CTNNA3: variants seen among roughly 807,000 people sequenced by gnomAD.
The protein encoded by CTNNA3 is catenin alpha-3.
A neutral mutation model predicts 95.7 loss-of-function variants in CTNNA3; 76 were observed. The ratio of observed to expected loss-of-function variants is 0.79; its 90% confidence interval spans 0.66 to 0.96. The LOEUF is 0.96. Among genes scored for constraint, CTNNA3 ranks in the 40% least tolerant of loss-of-function variants. The pLI is 0.00. For synonymous variants in CTNNA3, 431 were observed against 374.4 expected (o/e 1.15, Z -1.74); for missense variants, 1,191 against 1,089.8 (o/e 1.09, Z -1.31).
chr10:65,983,842 A>G (rs1212517777), intron 16 of CTNNA3, among the ~76,000 whole-genome samples: 1 of 151,306 alleles, frequency 6.6e-6, no homozygotes, highest in Non-Finnish European at 1.5e-5. Context: ...CATACACACA[A>G]TAAATATTCT....
chr10:66,590,239 G>C (rs1329582496), intron 10 of CTNNA3, among the ~76,000 whole-genome samples: 1 of 152,046 alleles, frequency 6.6e-6, no homozygotes, highest in African/African-American at 2.4e-5. Flanking sequence ...AGGAGGGACT[G>C]AAGAATCTGA....
At chr10:67,687,801 AC>A (rs1309611052) in intron 1 of CTNNA3, among the ~76,000 whole-genome samples, 1 of 152,156 alleles carries the variant, frequency 6.6e-6, no homozygotes, top group Admixed American at 6.5e-5. Flanking sequence ...TCCCTGAGTT[AC>A]GGTGGACATC....
At chr10:67,442,364 T>C (rs555376435) in intron 5 of CTNNA3, among the ~76,000 whole-genome samples, 1 of 152,034 alleles carries the variant, frequency 6.6e-6, no homozygotes, top group Non-Finnish European at 1.5e-5. Context: ...TTATCAATAA[T>C]AATATTGAAT....
chr10:66,572,822 A>T (rs1013226379), intron 10 of CTNNA3, among the ~76,000 whole-genome samples: 10 of 152,210 alleles, frequency 6.6e-5, no homozygotes, highest in Non-Finnish European at 1.3e-4. Flanking sequence ...CTCAGGACAC[A>T]TGCTTCTTCT....
chr10:66,032,565 A>G (rs1050283622), intron 15 of CTNNA3, among the ~76,000 whole-genome samples: 5 of 152,136 alleles, frequency 3.3e-5, no homozygotes, highest in Non-Finnish European at 5.9e-5. Flanking sequence ...ACATTTATTC[A>G]TTTTTATAAT....
chr10:67,243,741 ATGACTAT>A (rs1421903347), intron 5 of CTNNA3, among the ~76,000 whole-genome samples: 1 of 152,190 alleles, frequency 6.6e-6, no homozygotes, highest in Non-Finnish European at 1.5e-5. Flanking sequence ...CTCCTAGGAA[ATGACTAT>A]TCATCTTTTA....
intron 5 of CTNNA3, among the ~76,000 whole-genome samples, chr10:67,271,025 T>C (rs1838950980): frequency 6.6e-6 from 1 of 152,158 alleles, no homozygotes; most frequent in African/African-American, 2.4e-5. Flanking sequence ...TGCAATCTAG[T>C]GGACTGTAAT....
intron 2 of CTNNA3, among the ~76,000 whole-genome samples, chr10:67,628,015 A>T (rs918250136): frequency 7.3e-5 from 11 of 150,080 alleles, no homozygotes; most frequent in Non-Finnish European, 1.5e-4. Flanking sequence ...GATATAAATA[A>T]AACTAAATGG....
chr10:66,116,322 T>C (rs1489263606), intron 13 of CTNNA3, among the ~76,000 whole-genome samples: 4 of 152,140 alleles, frequency 2.6e-5, no homozygotes, highest in Non-Finnish European at 5.9e-5. Context: ...ATGTATTTCT[T>C]AACATATTAA....
chr10:67,077,374 T>C (rs1037047020), intron 7 of CTNNA3, among the ~76,000 whole-genome samples: 1 of 152,152 alleles, frequency 6.6e-6, no homozygotes, highest in South Asian at 2.1e-4. Context: ...TATAAAATGG[T>C]CCACAAGGAA....
chr10:66,606,856 C>G (rs937365718), intron 10 of CTNNA3, among the ~76,000 whole-genome samples: 5 of 151,876 alleles, frequency 3.3e-5, no homozygotes, highest in Admixed American at 3.3e-4. Context: ...AACATCACAA[C>G]TAAAAGAAGT....
At chr10:66,086,511 A>C (rs540054077) in intron 14 of CTNNA3, among the ~76,000 whole-genome samples, 1 of 152,228 alleles carries the variant, frequency 6.6e-6, no homozygotes, top group African/African-American at 2.4e-5. Flanking sequence ...AAGTAGCAGA[A>C]TAAACATATG....
intron 12 of CTNNA3, among the ~76,000 whole-genome samples, chr10:66,283,752 G>C (rs1407719880): frequency 6.6e-6 from 1 of 151,766 alleles, no homozygotes; most frequent in East Asian, 1.9e-4. Flanking sequence ...CATTTCATTA[G>C]CTTAAACATC....
intron 9 of CTNNA3, among the ~76,000 whole-genome samples, chr10:66,678,457 T>C (rs1374990061): frequency 6.6e-6 from 1 of 152,106 alleles, no homozygotes; most frequent in Non-Finnish European, 1.5e-5. Flanking sequence ...CATGCACACA[T>C]GCATACACAT....
intron 13 of CTNNA3, among the ~76,000 whole-genome samples, chr10:66,150,290 G>A (rs568516390): frequency 1.1e-4 from 17 of 152,284 alleles, no homozygotes; most frequent in African/African-American, 3.8e-4. Context: ...TGTAAGATGT[G>A]ACTTGCTCCT....
intron 11 of CTNNA3, among the ~76,000 whole-genome samples, chr10:66,419,285 C>A (rs2093171903): frequency 1.3e-5 from 2 of 151,850 alleles, no homozygotes; most frequent in Admixed American, 6.6e-5. Flanking sequence ...AACAGAACAG[C>A]AATCCCATTT....
chr10:66,184,269 A>T (rs1347511784), intron 13 of CTNNA3, among the ~76,000 whole-genome samples: 1 of 152,200 alleles, frequency 6.6e-6, no homozygotes, highest in Non-Finnish European at 1.5e-5. Flanking sequence ...ACTGATCTCC[A>T]GCTTGGGTGG....
intron 3 of CTNNA3, among the ~76,000 whole-genome samples, chr10:67,606,017 T>C (rs1206644205): frequency 6.6e-6 from 1 of 152,192 alleles, no homozygotes; most frequent in Non-Finnish European, 1.5e-5. Flanking sequence ...ACATAAAGCT[T>C]ATTGTTACTA....
intron 7 of CTNNA3, among the ~76,000 whole-genome samples, chr10:66,892,792 A>G (rs976782998): frequency 1.3e-5 from 2 of 152,170 alleles, no homozygotes; most frequent in South Asian, 2.1e-4. Flanking sequence ...TTTAAACACT[A>G]CGAAAATGTA....
Sources: gnomAD v4.1 joint callset for allele counts (sites outside exome capture counted in the v4.1 genomes callset) on GRCh38, gnomAD v4.1.1 for gene constraint, MANE v1.5 for transcripts, NCBI Gene and HGNC (gene_info 2026-07-23, HGNC 2026-07-21) for gene names.